Variants in TIMP2 observed in about 807,000 individuals in gnomAD.
TIMP2 encodes the protein metalloproteinase inhibitor 2.
Under a neutral mutation model 24.3 loss-of-function variants are expected in TIMP2, and 5 were observed. The ratio of observed to expected loss-of-function variants is 0.21; its 90% CI spans 0.11 to 0.43. TIMP2 has a LOEUF of 0.43. Among genes scored for constraint, TIMP2 ranks in the 20% least tolerant of loss-of-function variants. The pLI is 1.00. For missense variants in TIMP2, 221 were observed against 297.5 expected, an observed-to-expected ratio of 0.74 and a Z score of 1.89; for synonymous variants, 130 against 123.2, an observed-to-expected ratio of 1.06 and a Z score of -0.37.
At chr17:78,870,834 A>G in intron 3 of TIMP2, 64 bp downstream of exon 3, 3 of 1,431,174 alleles carry the variant, frequency 2.1e-6, no homozygotes, top group African/African-American at 2.8e-5. Flanking sequence ...CGAGCCCTGG[A>G]CCGCGTCTAG....
chr17:78,889,416 T>G (rs1279424786), intron 1 of TIMP2, among the ~76,000 whole-genome samples: 1 of 152,230 alleles, frequency 6.6e-6, no homozygotes, highest in Non-Finnish European at 1.5e-5. Flanking sequence ...GTCTACTCTC[T>G]TTTCTCTTAA....
At chr17:78,881,372 G>A (rs1206066834) in intron 1 of TIMP2, among the ~76,000 whole-genome samples, 3 of 152,244 alleles carry the variant, frequency 2.0e-5, no homozygotes, top group African/African-American at 7.2e-5. Context: ...GTCGGGTGGG[G>A]GCTTCACACA....
intron 1 of TIMP2, among the ~76,000 whole-genome samples, chr17:78,918,702 A>T (rs984937508): frequency 2.0e-5 from 3 of 152,190 alleles, no homozygotes; most frequent in Non-Finnish European, 4.4e-5. Context: ...GATATTCATT[A>T]AAAAAGTATA....
intron 1 of TIMP2, among the ~76,000 whole-genome samples, chr17:78,923,669 T>G (rs1161017975): frequency 1.3e-5 from 1 of 79,790 alleles, no homozygotes; most frequent in Non-Finnish European, 3.0e-5. Context: ...TCCCCCAAAC[T>G]GGGTTTTGTG....
At chr17:78,917,572 G>A (rs2070270818) in intron 1 of TIMP2, among the ~76,000 whole-genome samples, 1 of 152,168 alleles carries the variant, frequency 6.6e-6, no homozygotes, top group Admixed American at 6.5e-5. Flanking sequence ...TAGACACCAG[G>A]CCCTTCCTAA....
intron 3 of TIMP2, among the ~76,000 whole-genome samples, chr17:78,860,633 A>G (rs1373657815): frequency 6.6e-6 from 1 of 152,142 alleles, no homozygotes; most frequent in East Asian, 1.9e-4. Flanking sequence ...CTCCGTTTAG[A>G]CTTATGTGAC....
At chr17:78,900,289 T>G (rs1265362521) in intron 1 of TIMP2, 1 of 152,204 alleles carries the variant, frequency 6.6e-6, no homozygotes, top group East Asian at 1.9e-4. Flanking sequence ...CTCACGCCTG[T>G]AATCCCAGCA....
intron 3 of TIMP2, among the ~76,000 whole-genome samples, chr17:78,861,851 G>A (rs1416406148): frequency 1.3e-5 from 2 of 152,002 alleles, no homozygotes; most frequent in Middle Eastern, 3.4e-3. Context: ...GATCCACTGC[G>A]CCCAGCCAAA....
chr17:78,909,126 T>C (rs999596677), intron 1 of TIMP2, among the ~76,000 whole-genome samples: 1 of 152,052 alleles, frequency 6.6e-6, no homozygotes, highest in Non-Finnish European at 1.5e-5. Flanking sequence ...GATGAGAGGA[T>C]CACTTGAACC....
intron 3 of TIMP2, among the ~76,000 whole-genome samples, chr17:78,866,547 C>T (rs1347914313): frequency 1.4e-5 from 2 of 138,294 alleles, no homozygotes; most frequent in Non-Finnish European, 3.1e-5. Flanking sequence ...GCCAGGGATA[C>T]ACCCAGGAAA....
intron 2 of TIMP2, among the ~76,000 whole-genome samples, chr17:78,872,484 G>GT (rs1036417868): frequency 2.6e-5 from 4 of 152,226 alleles, no homozygotes; most frequent in Admixed American, 6.5e-5. Flanking sequence ...CAGGGAGGCT[G>GT]TTTTTTTCCC....
At chr17:78,893,492 T>TA (rs1317358447) in intron 1 of TIMP2, among the ~76,000 whole-genome samples, 24 of 147,854 alleles carry the variant, frequency 1.6e-4, no homozygotes, top group Admixed American at 2.7e-4. Context: ...TGTGCAGGGG[T>TA]GTGTGCGCGC....
chr17:78,870,796 C>A, intron 3 of TIMP2, 102 bp downstream of exon 3: 1 of 948,812 alleles, frequency 1.1e-6, no homozygotes. Flanking sequence ...TCAGCTACTC[C>A]GCCTCCCCAC....
chr17:78,889,707 AG>A (rs1429998894), intron 1 of TIMP2, among the ~76,000 whole-genome samples: 2 of 152,320 alleles, frequency 1.3e-5, no homozygotes, highest in East Asian at 3.9e-4. Flanking sequence ...GCTGGAATGT[AG>A]TGACATGATC....
At chr17:78,874,890 G>A (rs9895994) in intron 1 of TIMP2, among the ~76,000 whole-genome samples, 25,471 of 152,018 alleles carry the variant, frequency 0.17, 2,264 homozygotes, top group East Asian at 0.28. Flanking sequence ...ATAGGCAGCT[G>A]CCACCACACC....
chr17:78,888,191 G>A (rs1183103521), intron 1 of TIMP2, among the ~76,000 whole-genome samples: 2 of 144,508 alleles, frequency 1.4e-5, no homozygotes, highest in African/African-American at 5.2e-5. Context: ...ATGGAGTCTC[G>A]CTCTGACACC....
intron 1 of TIMP2, among the ~76,000 whole-genome samples, chr17:78,915,299 G>A (rs1478399887): frequency 6.6e-6 from 1 of 152,154 alleles, no homozygotes; most frequent in Non-Finnish European, 1.5e-5. Context: ...TTGCGGCAGG[G>A]AGAAAGATTA....
intron 1 of TIMP2, among the ~76,000 whole-genome samples, chr17:78,906,035 T>C (rs377534525): frequency 6.6e-6 from 1 of 152,352 alleles, no homozygotes; most frequent in African/African-American, 2.4e-5. Flanking sequence ...CCAGTAAGTG[T>C]GCAATAACAT....
rs1032784067 is a variant in TIMP2 at position 78,914,443 on chromosome 17, C to T, written c.130+10516G>A. On this transcript the variant is annotated intron_variant, in intron 1 of 4. Transcript: ENST00000262768. ...GATTACAGGCACCCGCCACCATGCC[C>T]GGCTAATTTTTGTATTTTTAGTAGA... Among the ~76,000 whole-genome samples, 6 of 151,696 alleles carry T rather than the reference C, an allele frequency of 4.0e-5. No homozygotes were observed. In the South Asian group the frequency reaches 6.3e-4, roughly 16 times the overall value.
Sources: gnomAD v4.1 joint callset for allele counts (sites outside exome capture counted in the v4.1 genomes callset) on GRCh38, gnomAD v4.1.1 for gene constraint, MANE v1.5 for transcripts, NCBI Gene and HGNC (gene_info 2026-07-23, HGNC 2026-07-21) for gene names.